The following PTPRT variants were observed in gnomAD, a reference collection of about 807,000 sequenced individuals.
PTPRT encodes receptor-type tyrosine-protein phosphatase T.
Under a neutral mutation model 176.8 loss-of-function variants are expected in PTPRT, and 56 were observed. The observed-to-expected ratio is 0.32, with a 90% CI of 0.26 to 0.40. The LOEUF is 0.40. Among genes scored for constraint, PTPRT ranks in the 10% least tolerant of loss-of-function variants. The pLI, the probability that PTPRT is intolerant of heterozygous loss-of-function variation, is 1.00. For missense variants in PTPRT, 1,540 were observed against 1,908.2 expected (o/e 0.81, Z 3.60); for synonymous variants, 783 against 739.0 (o/e 1.06, Z -0.96).
At chr20:42,089,111 A>AGTGTGT (rs112894271) in intron 27 of PTPRT, among the ~76,000 whole-genome samples, 64 of 148,604 alleles carry the variant, frequency 4.3e-4, no homozygotes, top group Middle Eastern at 3.5e-3. Context: ...AGTGTGTGTG[A>AGTGTGT]GTGTGTGTGT....
intron 1 of PTPRT, among the ~76,000 whole-genome samples, chr20:42,949,755 C>A (rs555530616): frequency 6.6e-6 from 1 of 152,286 alleles, no homozygotes; most frequent in South Asian, 2.1e-4. Flanking sequence ...AACCACTCAG[C>A]TATTTTTTAT....
chr20:42,658,303 C>CCAG lies in PTPRT; in HGVS notation c.1153+19560_1153+19562dup, dbSNP rs768377055. 6.7e-4 allele frequency among the ~76,000 whole-genome samples: 102 copies of CCAG among 152,146 alleles called. 1 individual carries two copies. The highest frequency in any genetic ancestry group is 1.6e-3 in the Admixed American group (25 of 15,276). On this transcript the variant is annotated intron_variant, in intron 7 of 30. Transcript: ENST00000373187. ...CAATTCATTAACATTGAACTGACAGCCAGCAGCCCTGTAACTCAGGCCTGA... is the reference window on the plus strand; with the variant it reads ...CAATTCATTAACATTGAACTGACAGCCAGCAGCAGCCCTGTAACTCAGGCCTGA...
chr20:42,675,845 A>T (rs1043541702), intron 7 of PTPRT, among the ~76,000 whole-genome samples: 1 of 152,204 alleles, frequency 6.6e-6, no homozygotes, highest in Non-Finnish European at 1.5e-5. Context: ...GGAACCAGGA[A>T]GTGGATCCTC....
intron 2 of PTPRT, among the ~76,000 whole-genome samples, chr20:42,817,223 G>A (rs550329508): frequency 6.6e-6 from 1 of 152,282 alleles, no homozygotes; most frequent in East Asian, 1.9e-4. Context: ...ACTTACACAT[G>A]TAGAAATAAC....
chr20:43,091,533 TC>T (rs2011871204), intron 1 of PTPRT, among the ~76,000 whole-genome samples: 1 of 150,768 alleles, frequency 6.6e-6, no homozygotes, highest in African/African-American at 2.4e-5. Flanking sequence ...TCTCTCTCTC[TC>T]TCTCACACAC....
intron 2 of PTPRT, among the ~76,000 whole-genome samples, chr20:42,817,367 T>TA (rs201255017): frequency 0.019 from 2,929 of 151,106 alleles, 95 homozygotes; most frequent in African/African-American, 0.063. Flanking sequence ...TGTTTGGTTT[T>TA]TTTTTTTTTT....
At chr20:42,528,313 CCT>C (rs2072315275) in intron 7 of PTPRT, among the ~76,000 whole-genome samples, 1 of 151,854 alleles carries the variant, frequency 6.6e-6, no homozygotes, top group Admixed American at 6.6e-5. Context: ...ACCAGATTTC[CCT>C]GTCTTTATGT....
intron 1 of PTPRT, among the ~76,000 whole-genome samples, chr20:43,078,105 GC>G (rs1291118498): frequency 6.6e-6 from 1 of 152,144 alleles, no homozygotes; most frequent in African/African-American, 2.4e-5. Flanking sequence ...TCGGTTACAA[GC>G]TTCATCATAG....
Position 42,737,447 on chromosome 20 carries a change from A to G in PTPRT, c.859+19015T>C, listed in dbSNP as rs138424246. 9.1e-3 allele frequency among the ~76,000 whole-genome samples: 1,380 copies of G among 152,282 alleles called. 11 individuals are homozygous for G. The highest frequency in any genetic ancestry group is 0.014 in the Non-Finnish European group (923 of 68,020). ...GGAGTCCAAGACCAGCCTGGTCAAC[A>G]TGGCTAAACCCCGTCTCTACTAAAA... On this transcript the variant is annotated intron_variant, in intron 6 of 30. Transcript: ENST00000373187.
intron 1 of PTPRT, among the ~76,000 whole-genome samples, chr20:43,016,552 C>CTTTTTTTTTT (rs11482189): frequency 6.6e-5 from 5 of 76,220 alleles, no homozygotes; most frequent in African/African-American, 3.5e-4. Context: ...TCTAAGGCCA[C>CTTTTTTTTTT]TTTTTTTTTT....
At chr20:42,880,956 G>A (rs762735231) in intron 2 of PTPRT, among the ~76,000 whole-genome samples, 2 of 152,142 alleles carry the variant, frequency 1.3e-5, no homozygotes, top group Admixed American at 6.5e-5. Context: ...CTAAGCCCTC[G>A]ATGCAGCAAT....
intron 1 of PTPRT, among the ~76,000 whole-genome samples, chr20:42,920,993 A>C (rs945606673): frequency 6.6e-6 from 1 of 152,218 alleles, no homozygotes; most frequent in African/African-American, 2.4e-5. Context: ...GAGATCATGC[A>C]AATTTTAACT....
At position 42,647,856 on chromosome 20, in the gene PTPRT, C is replaced by A. The variant is rs534867823; in HGVS notation, c.1153+30010G>T. ...TGGTTATCCTGACTTCTTCTTTTAT[C>A]ATAAGATGCTGCAAGTCGAATCTAC... is the stretch of plus-strand genomic sequence containing the variant. On this transcript the variant is annotated intron_variant, in intron 7 of 30. Transcript: ENST00000373187. Among the ~76,000 whole-genome samples, 55 of 152,266 alleles carry A rather than the reference C, an allele frequency of 3.6e-4. No homozygotes were observed. The South Asian group carries it at 4.2e-3, about 12-fold the overall frequency.
At chr20:42,128,020 TTAATCTTCACTGA>T (rs1468176476) in intron 19 of PTPRT, among the ~76,000 whole-genome samples, 1 of 152,200 alleles carries the variant, frequency 6.6e-6, no homozygotes, top group African/African-American at 2.4e-5. Flanking sequence ...GTCTGAGCAT[TTAATCTTCACTGA>T]TGTAGTCCCA....
intron 9 of PTPRT, among the ~76,000 whole-genome samples, chr20:42,369,373 G>C (rs1457337842): frequency 6.6e-6 from 1 of 152,154 alleles, no homozygotes; most frequent in East Asian, 1.9e-4. Flanking sequence ...TGTAAGAGAA[G>C]GAACGCACTA....
At chr20:43,015,152 T>C (rs1222617691) in intron 1 of PTPRT, among the ~76,000 whole-genome samples, 2 of 152,220 alleles carry the variant, frequency 1.3e-5, no homozygotes, top group Non-Finnish European at 2.9e-5. Flanking sequence ...ACTTGTACGC[T>C]AAGGCACTTG....
rs559922143 is a variant in PTPRT at position 42,523,473 on chromosome 20, C to A, written c.1154-50911G>T. 2.8e-3 allele frequency among the ~76,000 whole-genome samples: 431 copies of A among 152,256 alleles called. 1 individual carries two copies. The highest frequency in any genetic ancestry group is 0.01 in the African/African-American group (418 of 41,542). ...CATTATTTGTAATTTATAGGGATAA[C>A]TTGCCTCCTAGGTGTTTTGTAAATA... On this transcript the variant is annotated intron_variant, in intron 7 of 30. Transcript: ENST00000373187.
At chr20:43,125,184 GA>G (rs2013397317) in intron 1 of PTPRT, among the ~76,000 whole-genome samples, 1 of 145,602 alleles carries the variant, frequency 6.9e-6, no homozygotes, top group Admixed American at 6.9e-5. Context: ...TTTTTAAGTA[GA>G]AATGAGGTTT....
rs752371452 is a variant in PTPRT at position 42,633,784 on chromosome 20, AATATAT to A, written c.1153+44076_1153+44081del. 4.6e-3 allele frequency among the ~76,000 whole-genome samples: 243 copies of A among 53,370 alleles called. 5 individuals carry two copies. The highest frequency in any genetic ancestry group is 0.044 in the East Asian group (81 of 1,852). The allele number at this position is 53,370 out of a possible 152,430, so 35.0% of individuals were successfully genotyped here. A position where few individuals can be genotyped will look rare whatever the true frequency, so the allele number is the denominator to read the frequency against. ...CTGGGCAACACAGCAAGACTCTGAA[AATATAT>A]ATATATATATATATATATATATATA... On this transcript the variant is annotated intron_variant, in intron 7 of 30. Coordinates refer to ENST00000373187, the MANE Select transcript of PTPRT (RefSeq NM_007050.6).
Sources: allele counts gnomAD v4.1 joint callset (sites outside exome capture counted in the v4.1 genomes callset), GRCh38; gene constraint gnomAD v4.1.1; transcripts MANE v1.5; gene names NCBI Gene and HGNC (gene_info 2026-07-23, HGNC 2026-07-21).